The following ASB18 variants were observed in gnomAD, a reference collection of about 807,000 sequenced individuals.
The protein encoded by ASB18 is ankyrin repeat and SOCS box protein 18.
Under a neutral mutation model 33.4 loss-of-function variants are expected in ASB18, and 33 were observed. The ratio of observed to expected loss-of-function variants is 0.99; its 90% CI spans 0.75 to 1.32. ASB18 has a LOEUF of 1.32. Ranked by LOEUF, ASB18 falls within the 40% of genes most tolerant of loss-of-function variation. ASB18 has a pLI of 0.00. For synonymous variants in ASB18, 295 were observed against 307.6 expected (o/e 0.96, Z 0.43); for missense variants, 694 against 655.5 (o/e 1.06, Z -0.64).
In ASB18 at chr2:236,222,884, G is replaced by C. The variant is rs1018264998; in HGVS notation, c.597-8018C>G. On this transcript the variant is annotated intron_variant, in intron 3 of 5. Transcript: ENST00000409749. The surrounding 1 kb of genome is among the most constrained non-coding windows in gnomAD (Gnocchi z 5.5). The stretch of plus-strand genomic sequence containing the variant: ...AAAATACAAAAATTAGATGGGTGTG[G>C]TGGCGCACACCTGTAGTCCCAGCTA... 1.4e-4 allele frequency among the ~76,000 whole-genome samples: 22 copies of C among 152,184 alleles called. No individual in the cohort carries two copies. Among genetic ancestry groups the C allele is most frequent in the Non-Finnish European group, 3.2e-4 (22 of 68,044 alleles).
At chr2:236,240,239 C>T (rs566063351) in intron 2 of ASB18, among the ~76,000 whole-genome samples, 2 of 152,326 alleles carry the variant, frequency 1.3e-5, no homozygotes, top group African/African-American at 4.8e-5. Context: ...CGACATGCAG[C>T]CCCAACAGGA....
rs1402049465 is a variant in ASB18 at position 236,259,838 on chromosome 2, TC to T, written c.205+4302del. ...CCTCAGCAGGGTATGTTCTGTGCTT[TC>T]CCCCAATGTCTGCTGGGGCTAAAAT... On this transcript the variant is annotated intron_variant, in intron 1 of 5. Coordinates refer to ENST00000409749, the MANE Select transcript of ASB18 (RefSeq NM_212556.4). The surrounding 1 kb of genome is among the most constrained non-coding windows in gnomAD (Gnocchi z 4.4). Among the ~76,000 whole-genome samples, 8 of 152,200 alleles carry T rather than the reference TC, an allele frequency of 5.3e-5. No individual in the cohort carries two copies. Among genetic ancestry groups the T allele is most frequent in the African/African-American group, 1.9e-4 (8 of 41,458 alleles).
rs933921472 is a variant in ASB18, at chr2:236,245,620, A to T, written c.206-4218T>A. Among the ~76,000 whole-genome samples the T allele has an allele frequency of 7.3e-5, 11 of 151,718 alleles. No homozygotes were observed. The highest frequency in any genetic ancestry group is 2.7e-4 in the African/African-American group (11 of 41,268). ...CTCCAACACAGCTTAGCCTCCCTTG[A>T]CCTCCAAGACCAGTCCTGATGTCTG... is the stretch of plus-strand genomic sequence containing the variant. On this transcript the variant is annotated intron_variant, in intron 1 of 5. Transcript: ENST00000409749. This position sits in a 1 kb window ranked among gnomAD's most constrained non-coding sequence, Gnocchi z 4.7.
rs1458647455 is a variant in ASB18, at chr2:236,201,319, T to C, written c.1102-4934A>G. On this transcript the variant is annotated intron_variant, in intron 4 of 5. Transcript: ENST00000409749. Reference sequence around the variant, plus strand: ...GGTGCATGCCACTATGCCAGGCTAATTTAAAAATTTTTTTTGTAGAGACAA... The same window carrying C: ...GGTGCATGCCACTATGCCAGGCTAACTTAAAAATTTTTTTTGTAGAGACAA... Among the ~76,000 whole-genome samples, 8 of 152,094 alleles carry C rather than the reference T, an allele frequency of 5.3e-5. 2 individuals are homozygous for C. Among genetic ancestry groups the C allele is most frequent in the Non-Finnish European group, 1.2e-4 (8 of 68,030 alleles).
chr2:236,241,333 T>C lies in ASB18; in HGVS notation c.275A>G (p.Asn92Ser). 1 of 1,613,912 alleles carries C rather than the reference T, an allele frequency of 6.2e-7. No individual in the cohort carries two copies. Among genetic ancestry groups the C allele is most frequent in the Non-Finnish European group, 8.5e-7 (1 of 1,179,822 alleles). ...CACCTGCCATTCCATCTCATCCTTA[T>C]TGATCTCAAACACCACGTTGGCATC... ...FQDANVVFEI[N>S]KDEMEWQVKS... is the part of the protein sequence containing the mutation. Residue 92 changes from asparagine (N) to serine (S), a missense_variant, in exon 2 of 6, where the codon AAT becomes AGT. By Grantham distance (46) the Asn-to-Ser change is conservative. Transcript: ENST00000409749. This position sits in a 1 kb window ranked among gnomAD's most constrained non-coding sequence, Gnocchi z 4.2.
chr2:236,222,889 G>A lies in ASB18; in HGVS notation c.597-8023C>T, dbSNP rs183264756. Among the ~76,000 whole-genome samples the A allele has an allele frequency of 1.1e-3, 170 of 152,214 alleles. No individual in the cohort carries two copies. Among genetic ancestry groups the A allele is most frequent in the African/African-American group, 3.3e-3 (137 of 41,532 alleles). Reference sequence around the variant, plus strand: ...ACAAAAATTAGATGGGTGTGGTGGCGCACACCTGTAGTCCCAGCTACTTGG... The same window carrying A: ...ACAAAAATTAGATGGGTGTGGTGGCACACACCTGTAGTCCCAGCTACTTGG... On this transcript the variant is annotated intron_variant, in intron 3 of 5. Coordinates refer to ENST00000409749, the MANE Select transcript of ASB18 (RefSeq NM_212556.4). This position sits in a 1 kb window ranked among gnomAD's most constrained non-coding sequence, Gnocchi z 5.5.
At chr2:236,224,955 G>T (rs906359714) in intron 3 of ASB18, among the ~76,000 whole-genome samples, 3 of 152,082 alleles carry the variant, frequency 2.0e-5, no homozygotes, top group Non-Finnish European at 2.9e-5. Context: ...ACTCACCTGG[G>T]ATGTGGAAAG....
chr2:236,214,825 C>T lies in ASB18; in HGVS notation c.638G>A (p.Arg213His). The T allele has an allele frequency of 8.2e-7, 1 of 1,213,996 alleles. No individual in the cohort carries two copies. Among genetic ancestry groups the T allele is most frequent in the Non-Finnish European group, 1.0e-6 (1 of 976,238 alleles). 75.2% of individuals were successfully genotyped at this position (1,213,996 alleles called of 1,614,324 possible). A position where few individuals can be genotyped will look rare whatever the true frequency, so the allele number is the denominator to read the frequency against. ...ALLEHGASVQ[R>H]VGGTGRDTPL... Reference sequence around the variant, plus strand: ...CGTGTCCCGGCCCGTGCCGCCCACGCGCTGCACCGAGGCCCCGTGCTCCAG... The same window carrying T: ...CGTGTCCCGGCCCGTGCCGCCCACGTGCTGCACCGAGGCCCCGTGCTCCAG... The change falls in exon 4 of 6, where the codon CGC becomes CAC. Residue 213 changes from arginine (R) to histidine (H), a missense_variant. Physicochemically the swap from Arg to His is conservative, Grantham distance 29 (BLOSUM62 0). Transcript: ENST00000409749. The surrounding 1 kb of genome is among the most constrained non-coding windows in gnomAD (Gnocchi z 6.5).
rs1221270240 is a variant in ASB18 at position 236,203,387 on chromosome 2, G to T, written c.1102-7002C>A. 6.6e-6 allele frequency among the ~76,000 whole-genome samples: 1 copy of T among 152,168 alleles called. No individual in the cohort carries two copies. The highest frequency in any genetic ancestry group is 2.1e-4 in the South Asian group (1 of 4,826). ...AGAAAACGTATTATGCCAGGTTTGG[G>T]AGGTGAGAAGGAGCAAATAATGTTG... is the stretch of plus-strand genomic sequence containing the variant. On this transcript the variant is annotated intron_variant, in intron 4 of 5. Coordinates refer to ENST00000409749, the MANE Select transcript of ASB18 (RefSeq NM_212556.4). This position sits in a 1 kb window ranked among gnomAD's most constrained non-coding sequence, Gnocchi z 6.0.
chr2:236,248,969 G>T lies in ASB18; in HGVS notation c.206-7567C>A, dbSNP rs2060657636. On this transcript the variant is annotated intron_variant, in intron 1 of 5. Transcript: ENST00000409749. The surrounding 1 kb of genome is among the most constrained non-coding windows in gnomAD (Gnocchi z 4.9). ...ATTCACTACTATGGGTTCCCCGTTT[G>T]GGGCACTAGAAGTTTCTTTCTCTTG... 6.6e-6 allele frequency: 1 copy of T among 152,208 alleles called. No individual in the cohort carries two copies. Among genetic ancestry groups the T allele is most frequent in the South Asian group, 2.1e-4 (1 of 4,838 alleles). 9.4% of individuals were successfully genotyped at this position (152,208 alleles called of 1,614,324 possible). A position where few individuals can be genotyped will look rare whatever the true frequency, so the allele number is the denominator to read the frequency against.
In ASB18 at chr2:236,217,339, G is replaced by A. The variant is rs2060492511; in HGVS notation, c.597-2473C>T. 6.6e-6 allele frequency among the ~76,000 whole-genome samples: 1 copy of A among 151,844 alleles called. No individual in the cohort carries two copies. Among genetic ancestry groups the A allele is most frequent in the East Asian group, 1.9e-4 (1 of 5,156 alleles). ...GGAGAATCACTTAAACCCGGGAGGT[G>A]GAGGTTGCAGTGAGCCAAGATCGTG... is the stretch of plus-strand genomic sequence containing the variant. On this transcript the variant is annotated intron_variant, in intron 3 of 5. Transcript: ENST00000409749. The surrounding 1 kb of genome is among the most constrained non-coding windows in gnomAD (Gnocchi z 5.2).
chr2:236,237,727 C>A lies in ASB18; in HGVS notation c.558G>T (p.Leu186=). The part of the protein sequence containing the change: ...ADPDLLSAEG[L]APLHLCRTAA... Reference sequence around the variant, plus strand: ...CCGTGCGGCAGAGGTGCAGAGGCGCCAGGCCCTCGGCGCTGAGCAGGTCGG... The same window carrying A: ...CCGTGCGGCAGAGGTGCAGAGGCGCAAGGCCCTCGGCGCTGAGCAGGTCGG... Residue 186 remains leucine, a synonymous_variant, in exon 3 of 6, where the codon CTG becomes CTT. Coordinates refer to ENST00000409749, the MANE Select transcript of ASB18 (RefSeq NM_212556.4). This position sits in a 1 kb window ranked among gnomAD's most constrained non-coding sequence, Gnocchi z 6.2. The A allele has an allele frequency of 6.8e-7, 1 of 1,460,654 alleles. No individual in the cohort carries two copies. Among genetic ancestry groups the A allele is most frequent in the Non-Finnish European group, 9.0e-7 (1 of 1,112,254 alleles). The allele number at this position is 1,460,654 out of a possible 1,614,324, so 90.5% of individuals were successfully genotyped here.
chr2:236,234,937 G>A lies in ASB18; in HGVS notation c.596+2752C>T, dbSNP rs1211922817. ...CCTAATCCTTAAAAGAGAAAAAATGGATAAACTGGACTCCATAAAAATTAA... is the reference window on the plus strand; with the variant it reads ...CCTAATCCTTAAAAGAGAAAAAATGAATAAACTGGACTCCATAAAAATTAA... On this transcript the variant is annotated intron_variant, in intron 3 of 5. Coordinates refer to ENST00000409749, the MANE Select transcript of ASB18 (RefSeq NM_212556.4). This position sits in a 1 kb window ranked among gnomAD's most constrained non-coding sequence, Gnocchi z 4.1. 6.6e-6 allele frequency among the ~76,000 whole-genome samples: 1 copy of A among 152,036 alleles called. No individual in the cohort carries two copies. The highest frequency in any genetic ancestry group is 1.9e-4 in the East Asian group (1 of 5,194).
intron 1 of ASB18, among the ~76,000 whole-genome samples, chr2:236,254,594 A>G (rs1253032995): frequency 6.6e-6 from 1 of 151,864 alleles, no homozygotes; most frequent in Non-Finnish European, 1.5e-5. Flanking sequence ...TGTATGTTAA[A>G]CCTTTTATTT....
In ASB18 at chr2:236,226,469, A is replaced by C. The variant is rs774741310; in HGVS notation, c.596+11220T>G. Among the ~76,000 whole-genome samples, 9 of 152,264 alleles carry C rather than the reference A, an allele frequency of 5.9e-5. No individual in the cohort carries two copies. The highest frequency in any genetic ancestry group is 1.2e-4 in the Non-Finnish European group (8 of 68,046). ...AGGAAGAAGAGGAAGACAGAAGAAG[A>C]GAGATTTTTTAAATCCCCACTTTAA... On this transcript the variant is annotated intron_variant, in intron 3 of 5. Coordinates refer to ENST00000409749, the MANE Select transcript of ASB18 (RefSeq NM_212556.4). This position sits in a 1 kb window ranked among gnomAD's most constrained non-coding sequence, Gnocchi z 4.8.
chr2:236,216,483 T>TA lies in ASB18; in HGVS notation c.597-1618dup, dbSNP rs1384624421. The stretch of plus-strand genomic sequence containing the variant: ...CCTCTTGATCATCTTGGCCCAGAGT[T>TA]AGTCGTCTTTGGCTTATTTGGGGTC... On this transcript the variant is annotated intron_variant, in intron 3 of 5. Transcript: ENST00000409749. The surrounding 1 kb of genome is among the most constrained non-coding windows in gnomAD (Gnocchi z 6.1). 6.6e-6 allele frequency among the ~76,000 whole-genome samples: 1 copy of TA among 152,192 alleles called. No homozygotes were observed. The highest frequency in any genetic ancestry group is 1.5e-5 in the Non-Finnish European group (1 of 68,034).
rs565557666 is a variant in ASB18 at position 236,202,010 on chromosome 2, C to T, written c.1102-5625G>A. Among the ~76,000 whole-genome samples, 5 of 151,944 alleles carry T rather than the reference C, an allele frequency of 3.3e-5. No homozygotes were observed. In the East Asian group the frequency reaches 9.7e-4, roughly 29 times the overall value. On this transcript the variant is annotated intron_variant, in intron 4 of 5. Coordinates refer to ENST00000409749, the MANE Select transcript of ASB18 (RefSeq NM_212556.4). ...TGTCACCCAGGCTGGGGTGCAATCACGAGATCTTGGCTCACTGCAACCTCC... is the reference window on the plus strand; with the variant it reads ...TGTCACCCAGGCTGGGGTGCAATCATGAGATCTTGGCTCACTGCAACCTCC...
rs1427086528 is a variant in ASB18 at position 236,228,808 on chromosome 2, A to C, written c.596+8881T>G. 6.6e-6 allele frequency among the ~76,000 whole-genome samples: 1 copy of C among 152,256 alleles called. No individual in the cohort carries two copies. Among genetic ancestry groups the C allele is most frequent in the Admixed American group, 6.5e-5 (1 of 15,294 alleles). On this transcript the variant is annotated intron_variant, in intron 3 of 5. Transcript: ENST00000409749. This position sits in a 1 kb window ranked among gnomAD's most constrained non-coding sequence, Gnocchi z 5.1. ...ACTAACCACCGATTGACTTCTGATT[A>C]ATAAAGCTTAAAGGCAAGACCCAAA...
Position 236,203,831 on chromosome 2 carries a change from C to T in ASB18, c.1102-7446G>A, listed in dbSNP as rs2060418462. Among the ~76,000 whole-genome samples, 1 of 152,158 alleles carries T rather than the reference C, an allele frequency of 6.6e-6. No individual in the cohort carries two copies. The highest frequency in any genetic ancestry group is 1.5e-5 in the Non-Finnish European group (1 of 68,036). On this transcript the variant is annotated intron_variant, in intron 4 of 5. Coordinates refer to ENST00000409749, the MANE Select transcript of ASB18 (RefSeq NM_212556.4). The surrounding 1 kb of genome is among the most constrained non-coding windows in gnomAD (Gnocchi z 6.0). ...GCAGTGAGCTATGATTGCACTGCTG[C>T]ACTCCAGCCTAGGCAACAGAGTGAC...
Sources: allele counts gnomAD v4.1 joint callset (sites outside exome capture counted in the v4.1 genomes callset), GRCh38; gene constraint gnomAD v4.1.1; non-coding constraint Gnocchi (gnomAD v3.1); transcripts MANE v1.5; gene names NCBI Gene and HGNC (gene_info 2026-07-23, HGNC 2026-07-21).